Variants in SYNE2 observed in about 807,000 individuals in gnomAD.
SYNE2 encodes spectrin repeat containing nuclear envelope protein 2, also known as nesprin-2.
A neutral mutation model predicts 856.3 loss-of-function variants in SYNE2; 431 were observed. That is an observed-to-expected ratio of 0.50 (90% CI 0.47 to 0.55). SYNE2 has a LOEUF of 0.55. Ranked by LOEUF, SYNE2 falls within the 20% of genes least tolerant of loss-of-function variation. SYNE2 has a pLI of 0.00. For synonymous variants in SYNE2, 2,923 were observed against 2,872.3 expected (o/e 1.02, Z -0.56); for missense variants, 8,129 against 8,023.2 (o/e 1.01, Z -0.50).
At chr14:64,063,923 A>T (rs2357347) in intron 50 of SYNE2, among the ~76,000 whole-genome samples, 16,650 of 152,170 alleles carry the variant, frequency 0.11, 1,135 homozygotes, top group African/African-American at 0.2. Flanking sequence ...TTTTTCCTGT[A>T]CACGCCTATG....
At chr14:63,825,858 G>A (rs1889410270) in intron 1 of SYNE2, among the ~76,000 whole-genome samples, 2 of 152,110 alleles carry the variant, frequency 1.3e-5, no homozygotes. Context: ...GGGCAACAAA[G>A]TGAGACTCTG....
intron 46 of SYNE2, chr14:64,048,724 A>G (rs566354976): frequency 2.0e-5 from 3 of 152,456 alleles, no homozygotes; most frequent in African/African-American, 4.8e-5. Context: ...CCTGGGCAGC[A>G]TTGCGAGACC....
chr14:63,999,719 G>A (rs1034800721), intron 27 of SYNE2, among the ~76,000 whole-genome samples: 2 of 152,140 alleles, frequency 1.3e-5, no homozygotes, highest in African/African-American at 2.4e-5. Flanking sequence ...CTTGATGCAC[G>A]CCCTGAGTGC....
chr14:64,134,821 C>T (rs905015410), intron 78 of SYNE2, among the ~76,000 whole-genome samples: 3 of 120,724 alleles, frequency 2.5e-5, no homozygotes, highest in African/African-American at 9.2e-5. Context: ...TACTAAAATA[C>T]AAAAAAAAAA....
chr14:63,875,427 A>G (rs1283243012), intron 1 of SYNE2, among the ~76,000 whole-genome samples: 1 of 152,186 alleles, frequency 6.6e-6, no homozygotes, highest in Non-Finnish European at 1.5e-5. Flanking sequence ...AGTTCTATTT[A>G]AAGATTCACA....
chr14:64,068,637 G>A (rs371880865), intron 51 of SYNE2, among the ~76,000 whole-genome samples: 84 of 152,094 alleles, frequency 5.5e-4, no homozygotes, highest in Non-Finnish European at 1.0e-3. Flanking sequence ...CTAGACAGGT[G>A]GATCACGAGG....
chr14:63,803,259 C>T (rs1022870323), intron 1 of SYNE2, among the ~76,000 whole-genome samples: 8 of 152,248 alleles, frequency 5.3e-5, no homozygotes, highest in South Asian at 2.1e-4. Context: ...CAGCGCGGTG[C>T]GCTCGCACTC....
chr14:64,047,805 A>G (rs2097196937), intron 45 of SYNE2, among the ~76,000 whole-genome samples, 195 bp from the exon 46 acceptor site: 1 of 152,216 alleles, frequency 6.6e-6, no homozygotes, highest in African/African-American at 2.4e-5. Context: ...ACTTTGTCAA[A>G]GAAGGTTTCA....
chr14:63,771,216 CCCA>C (rs1275680848), intron 1 of SYNE2, among the ~76,000 whole-genome samples: 1 of 151,696 alleles, frequency 6.6e-6, no homozygotes, highest in Non-Finnish European at 1.5e-5. Context: ...ACTACAGGCG[CCCA>C]CCATCACGCC....
Position 64,125,210 on chromosome 14 carries a change from G to C in SYNE2, c.13554G>C (p.Gln4518His). The change falls in exon 71 of 116, where the codon CAG (glutamine) becomes CAC (histidine). Residue 4518 changes from glutamine to histidine, a missense_variant and splice_region_variant. Physicochemically the swap from Gln to His is conservative, Grantham distance 24. Coordinates refer to ENST00000555002, the MANE Select transcript of SYNE2 (RefSeq NM_182914.3). ...AAGAAGCAAGTAACCTTCAGACACA[G>C]GTAGAAGCTGCACACAATGTGTTTT... ...LRQEASNLQT[Q>H]ENMTEEAYIN... 1.2e-6 allele frequency: 2 copies of C among 1,614,064 alleles called. No individual in the cohort carries two copies. Among genetic ancestry groups the C allele is most frequent in the Non-Finnish European group, 1.7e-6 (2 of 1,179,994 alleles).
intron 1 of SYNE2, among the ~76,000 whole-genome samples, chr14:63,791,136 A>G (rs151085465): frequency 1.3e-3 from 200 of 151,998 alleles, no homozygotes; most frequent in African/African-American, 3.6e-3. Flanking sequence ...TAATTTTTGT[A>G]TTTTTAGTAG....
chr14:64,057,039 T>C (rs1164984183), intron 49 of SYNE2, among the ~76,000 whole-genome samples: 1 of 152,202 alleles, frequency 6.6e-6, no homozygotes, highest in African/African-American at 2.4e-5. Flanking sequence ...ATGACATATA[T>C]GGAATATTTT....
At chr14:64,218,356 T>G (rs1203261154) in intron 108 of SYNE2, 42 bp from the exon 109 acceptor site, 2 of 1,543,442 alleles carry the variant, frequency 1.3e-6, no homozygotes, top group Non-Finnish European at 1.8e-6. Context: ...TCAGATATCC[T>G]TCATATCTAC....
Position 64,074,045 on chromosome 14 carries a change from T to A in SYNE2, c.10775T>A (p.Ile3592Lys). The A allele has an allele frequency of 6.2e-7, 1 of 1,614,210 alleles. No individual in the cohort carries two copies. The change falls in exon 53 of 116, where the codon ATA becomes AAA. Residue 3592 changes from isoleucine to lysine, a missense_variant. Coordinates refer to ENST00000555002, the MANE Select transcript of SYNE2 (RefSeq NM_182914.3). ...IQERHSFTKE[I>K]IALKNFFQQT... ...GAAAGACATTCCTTCACAAAAGAGA[T>A]AATTGCTTTGAAGAATTTCTTTCAA...
At chr14:63,776,776 T>G (rs1887123110) in intron 1 of SYNE2, among the ~76,000 whole-genome samples, 1 of 151,898 alleles carries the variant, frequency 6.6e-6, no homozygotes, top group Admixed American at 6.6e-5. Context: ...AATTTTTGTA[T>G]TTTTCGTAGA....
chr14:64,219,152 G>A (rs1014268825), intron 109 of SYNE2, 56 bp from the exon 110 acceptor site: 1 of 1,396,408 alleles, frequency 7.2e-7, no homozygotes, highest in African/African-American at 1.4e-5. Context: ...ATTAGCTGGA[G>A]GCAGAGAAAT....
chr14:63,885,894 C>T (rs1279509312), intron 1 of SYNE2, among the ~76,000 whole-genome samples: 1 of 152,170 alleles, frequency 6.6e-6, no homozygotes. Context: ...GTAGTCCTTT[C>T]CCATGGGGAG....
chr14:64,172,320 C>T (rs2098415165), intron 94 of SYNE2, among the ~76,000 whole-genome samples: 1 of 152,166 alleles, frequency 6.6e-6, no homozygotes, highest in Non-Finnish European at 1.5e-5. Flanking sequence ...GTCTCTCAGG[C>T]AGTTGCAGTC....
chr14:63,839,317 C>T (rs1889967898), intron 1 of SYNE2, among the ~76,000 whole-genome samples: 1 of 152,168 alleles, frequency 6.6e-6, no homozygotes. Flanking sequence ...GTGTGAGCCA[C>T]CGCGCCCGGC....
Sources: gnomAD v4.1 joint callset for allele counts (sites outside exome capture counted in the v4.1 genomes callset) on GRCh38, gnomAD v4.1.1 for gene constraint, MANE v1.5 for transcripts, NCBI Gene and HGNC (gene_info 2026-07-23, HGNC 2026-07-21) for gene names.